Variants in DIAPH2 observed in about 807,000 individuals in gnomAD.
DIAPH2 encodes diaphanous related formin 2.
DIAPH2 carries 35 observed loss-of-function variants against 92.7 expected under a neutral mutation model. The ratio of observed to expected loss-of-function variants is 0.38; its 90% CI spans 0.29 to 0.50. DIAPH2 has a LOEUF of 0.50. DIAPH2 is among the 20% of genes least tolerant of loss of function. DIAPH2 has a pLI of 0.94. For synonymous variants in DIAPH2, 301 were observed against 280.4 expected, an observed-to-expected ratio of 1.07 and a Z score of -0.73; for missense variants, 701 against 819.5, an observed-to-expected ratio of 0.86 and a Z score of 1.77.
chrX:97,504,314 G>A (rs1222012550), intron 26 of DIAPH2, among the ~76,000 whole-genome samples: 3 of 111,749 alleles, frequency 2.7e-5, no homozygotes, highest in Non-Finnish European at 5.6e-5. Flanking sequence ...TAGGCTTTTT[G>A]GGATTTCTGA....
At chrX:97,402,054 G>A (rs911215727) in intron 25 of DIAPH2, among the ~76,000 whole-genome samples, 13 of 112,398 alleles carry the variant, frequency 1.2e-4, no homozygotes, top group Admixed American at 1.0e-3. Context: ...AAAGTGGGAG[G>A]ATACCCTTGG....
chrX:97,463,099 C>A (rs948566955), intron 26 of DIAPH2, among the ~76,000 whole-genome samples: 3 of 110,321 alleles, frequency 2.7e-5, no homozygotes, highest in Non-Finnish European at 5.7e-5. Flanking sequence ...GAAATGGGAT[C>A]TTTGCTCTCC....
chrX:96,716,545 C>T (rs2063951415), intron 1 of DIAPH2, among the ~76,000 whole-genome samples: 1 of 111,505 alleles, frequency 9.0e-6, no homozygotes, highest in African/African-American at 3.3e-5. Flanking sequence ...GTTTACTAAA[C>T]TTTGCGTATG....
intron 26 of DIAPH2, among the ~76,000 whole-genome samples, chrX:97,588,398 G>T (rs951942984): frequency 9.0e-6 from 1 of 111,114 alleles, no homozygotes; most frequent in Non-Finnish European, 1.9e-5. Flanking sequence ...CACTAGGAAG[G>T]GAAAATTAAC....
intron 8 of DIAPH2, among the ~76,000 whole-genome samples, chrX:96,917,661 A>C (rs183228006): frequency 9.0e-6 from 1 of 111,232 alleles, no homozygotes; most frequent in Non-Finnish European, 1.9e-5. Flanking sequence ...TATAGAGATT[A>C]ATTTGTTTTA....
intron 1 of DIAPH2, among the ~76,000 whole-genome samples, chrX:96,711,100 T>C (rs1473544263): frequency 8.9e-6 from 1 of 112,354 alleles, no homozygotes; most frequent in African/African-American, 3.2e-5. Flanking sequence ...GATGGGCATT[T>C]AGGCTGGTTT....
At position 97,496,654 on chromosome X, in the gene DIAPH2, A is replaced by ATT. The variant is rs531696953; in HGVS notation, c.3241+66928_3241+66929dup. On this transcript the variant is annotated intron_variant, in intron 26 of 26. Transcript: ENST00000324765. ...ATAGTTCTCTGTAGCCCTGAATTAG[A>ATT]TTTTTTTTTTTTTTTTTTTTCCGAG... 3.1e-3 allele frequency among the ~76,000 whole-genome samples: 250 copies of ATT among 81,522 alleles called. 3 individuals carry two copies. Among genetic ancestry groups the ATT allele is most frequent in the African/African-American group, 9.0e-3 (189 of 20,907 alleles). 70.8% of individuals were successfully genotyped at this position (81,522 alleles called of 115,157 possible). A position where few individuals can be genotyped will look rare whatever the true frequency, so the allele number is the denominator to read the frequency against.
At chrX:97,069,928 T>G (rs2066658091) in intron 17 of DIAPH2, among the ~76,000 whole-genome samples, 1 of 111,746 alleles carries the variant, frequency 8.9e-6, no homozygotes, top group African/African-American at 3.2e-5. Context: ...CTGATGAGCA[T>G]TTCTCAGTTG....
chrX:97,512,403 CTTCT>C (rs1378609233), intron 26 of DIAPH2, among the ~76,000 whole-genome samples: 1 of 94,363 alleles, frequency 1.1e-5, no homozygotes, highest in Non-Finnish European at 2.3e-5. Context: ...TCTCTCTTTT[CTTCT>C]TTATTAGTCT....
chrX:97,508,916 A>C (rs988378047), intron 26 of DIAPH2, among the ~76,000 whole-genome samples: 2 of 109,669 alleles, frequency 1.8e-5, no homozygotes, highest in Non-Finnish European at 3.8e-5. Context: ...TTTTCTTCCC[A>C]TCTTAGATTC....
chrX:96,853,650 C>T lies in DIAPH2; in HGVS notation c.448-27929C>T, dbSNP rs760916343. On this transcript the variant is annotated intron_variant, in intron 4 of 26. Coordinates refer to ENST00000324765, the MANE Select transcript of DIAPH2 (RefSeq NM_006729.5). ...GAGATTACCCTCTATGTCTTATTCT[C>T]TATTTTAGGACTTCAGCTTTCAGAA... Among the ~76,000 whole-genome samples the T allele has an allele frequency of 2.7e-5, 3 of 111,714 alleles. No individual in the cohort carries two copies. The South Asian group carries it at 1.1e-3, about 42-fold the overall frequency.
intron 25 of DIAPH2, among the ~76,000 whole-genome samples, chrX:97,428,382 A>T (rs1281703895): frequency 9.1e-6 from 1 of 110,176 alleles, no homozygotes; most frequent in Non-Finnish European, 1.9e-5. Context: ...TACAAAAACT[A>T]GCCAGGCGTG....
chrX:96,703,838 G>A (rs1456434328), intron 1 of DIAPH2, among the ~76,000 whole-genome samples: 1 of 112,178 alleles, frequency 8.9e-6, no homozygotes, highest in Admixed American at 9.5e-5. Context: ...TGGCAAAGTA[G>A]TCTTAGGGCT....
chrX:96,748,314 C>T (rs764852148), intron 3 of DIAPH2, among the ~76,000 whole-genome samples: 37 of 111,829 alleles, frequency 3.3e-4, no homozygotes, highest in Admixed American at 9.5e-5. Flanking sequence ...CAACACCTCC[C>T]TTACCCTCAG....
chrX:96,990,887 A>G (rs1177410613), intron 17 of DIAPH2, among the ~76,000 whole-genome samples: 2 of 111,062 alleles, frequency 1.8e-5, no homozygotes, highest in African/African-American at 6.6e-5. Context: ...AAAATGCAGC[A>G]TCTTAAATGG....
chrX:97,370,329 G>C (rs747474324), intron 24 of DIAPH2, among the ~76,000 whole-genome samples: 2 of 111,325 alleles, frequency 1.8e-5, no homozygotes, highest in African/African-American at 6.5e-5. Context: ...TTTATTGGCT[G>C]TGTATGTTCC....
At chrX:97,556,495 G>A (rs887168699) in intron 26 of DIAPH2, among the ~76,000 whole-genome samples, 5 of 111,818 alleles carry the variant, frequency 4.5e-5, no homozygotes, top group South Asian at 3.8e-4. Context: ...TTCTGAGGGC[G>A]CTGAAGGAGA....
chrX:97,154,784 A>G (rs1291659584), intron 22 of DIAPH2, among the ~76,000 whole-genome samples: 3 of 112,213 alleles, frequency 2.7e-5, no homozygotes, highest in Non-Finnish European at 5.6e-5. Context: ...TCAGTTATCT[A>G]TTCTCTGGAA....
chrX:97,329,891 GACACACACACACACACAC>G (rs201851023), intron 23 of DIAPH2, among the ~76,000 whole-genome samples: 9 of 79,482 alleles, frequency 1.1e-4, no homozygotes, highest in Non-Finnish European at 1.7e-4. Flanking sequence ...TGCATTCTTA[GACACACACACACACACAC>G]ACACACACAC....
Sources: allele counts gnomAD v4.1 joint callset (sites outside exome capture counted in the v4.1 genomes callset), GRCh38; gene constraint gnomAD v4.1.1; transcripts MANE v1.5; gene names NCBI Gene and HGNC (gene_info 2026-07-23, HGNC 2026-07-21).